The following GTF2IRD1 variants were observed in gnomAD, a reference collection of about 807,000 sequenced individuals.
GTF2IRD1 encodes the protein general transcription factor II-I repeat domain-containing protein 1.
Under a neutral mutation model 113.2 loss-of-function variants are expected in GTF2IRD1, and 26 were observed. The ratio of observed to expected loss-of-function variants is 0.23; its 90% CI spans 0.17 to 0.32. GTF2IRD1 has a LOEUF of 0.32. Among genes scored for constraint, GTF2IRD1 ranks in the 10% least tolerant of loss-of-function variants. The pLI is 1.00. For synonymous variants in GTF2IRD1, 484 were observed against 529.1 expected (o/e 0.91, Z 1.17); for missense variants, 864 against 1,280.8 (o/e 0.67, Z 4.97).
At chr7:74,546,991 G>T in intron 16 of GTF2IRD1, 112 bp from the exon 17 acceptor site, 1 of 906,904 alleles carries the variant, frequency 1.1e-6, no homozygotes, top group Non-Finnish European at 1.7e-6. Flanking sequence ...AAGCTGGCAG[G>T]CCCTCAAAAG....
chr7:74,509,535 A>G (rs1796500366), intron 2 of GTF2IRD1, among the ~76,000 whole-genome samples: 1 of 152,078 alleles, frequency 6.6e-6, no homozygotes, highest in African/African-American at 2.4e-5. Context: ...CTCTCAATTA[A>G]AAAAATTTTT....
chr7:74,547,630 G>T (rs1466076102), intron 17 of GTF2IRD1, among the ~76,000 whole-genome samples: 1 of 151,728 alleles, frequency 6.6e-6, no homozygotes, highest in Admixed American at 6.6e-5. Flanking sequence ...GTGGAGACAG[G>T]GTTTCACCAT....
chr7:74,573,025 G>A (rs973512603), intron 22 of GTF2IRD1, among the ~76,000 whole-genome samples: 8 of 152,062 alleles, frequency 5.3e-5, no homozygotes, highest in African/African-American at 1.7e-4. Context: ...GGCTGGTGGG[G>A]ACTTAGCTGG....
At chr7:74,557,756 C>A in intron 20 of GTF2IRD1, 34 bp downstream of exon 20, 1 of 1,346,910 alleles carries the variant, frequency 7.4e-7, no homozygotes, top group Non-Finnish European at 1.1e-6. Context: ...GAGGGACACG[C>A]AGCTGCTGTG....
At chr7:74,561,687 C>T (rs1187533756) in intron 22 of GTF2IRD1, among the ~76,000 whole-genome samples, 2 of 151,908 alleles carry the variant, frequency 1.3e-5, no homozygotes, top group Non-Finnish European at 2.9e-5. Context: ...AGTGGACACC[C>T]GGCTGAGAGG....
intron 22 of GTF2IRD1, among the ~76,000 whole-genome samples, chr7:74,560,593 GAGAC>G (rs1799895185): frequency 6.7e-6 from 1 of 149,514 alleles, no homozygotes; most frequent in South Asian, 2.1e-4. Flanking sequence ...GAGAGAGAGA[GAGAC>G]AGAGACAGAC....
At chr7:74,524,694 T>TA (rs1554346845) in intron 8 of GTF2IRD1, among the ~76,000 whole-genome samples, 1 of 152,164 alleles carries the variant, frequency 6.6e-6, no homozygotes, top group Non-Finnish European at 1.5e-5. Flanking sequence ...GCCAGAACCC[T>TA]GTCTCTACTA....
chr7:74,600,762 G>A (rs1443848267), intron 25 of GTF2IRD1, among the ~76,000 whole-genome samples: 1 of 152,126 alleles, frequency 6.6e-6, no homozygotes, highest in African/African-American at 2.4e-5. Flanking sequence ...GCTTGCTGGG[G>A]AGGAGGAGGG....
At chr7:74,577,533 T>C (rs1554364914) in intron 22 of GTF2IRD1, among the ~76,000 whole-genome samples, 1 of 152,238 alleles carries the variant, frequency 6.6e-6, no homozygotes, top group Non-Finnish European at 1.5e-5. Flanking sequence ...AGCATCATCG[T>C]ACTTATACAA....
intron 11 of GTF2IRD1, among the ~76,000 whole-genome samples, chr7:74,537,864 A>G (rs1554350574): frequency 1.3e-5 from 2 of 152,210 alleles, no homozygotes; most frequent in Non-Finnish European, 2.9e-5. Flanking sequence ...GATGGTGAAG[A>G]AGGGGGATCC....
rs782312923 is a variant in GTF2IRD1, at chr7:74,558,895, C to T, written c.2142C>T (p.Val714=). The T allele has an allele frequency of 1.2e-6, 2 of 1,613,672 alleles. No individual in the cohort carries two copies. The highest frequency in any genetic ancestry group is 1.7e-6 in the Non-Finnish European group (2 of 1,179,870). ...TGGGCATCAAGTACCCGGTCCAGGT[C>T]CCCTACAAGCGGATCAAGAGTAACC... The part of the protein sequence containing the change: ...EALGIKYPVQ[V]PYKRIKSNPG... Residue 714 remains valine, a synonymous_variant, in exon 21 of 27, where the codon GTC becomes GTT. Transcript: ENST00000424337.
chr7:74,548,155 C>T (rs1205668073), intron 17 of GTF2IRD1, among the ~76,000 whole-genome samples: 3 of 152,120 alleles, frequency 2.0e-5, no homozygotes, highest in Non-Finnish European at 4.4e-5. Context: ...CGGTGGCTCA[C>T]GCCTGTAATC....
intron 1 of GTF2IRD1, among the ~76,000 whole-genome samples, chr7:74,477,468 T>G (rs1794493364): frequency 7.2e-6 from 1 of 138,124 alleles, no homozygotes. Context: ...TGCTTTGGAG[T>G]AGGTCAGGGC....
chr7:74,554,061 A>G (rs1422606327), intron 17 of GTF2IRD1, among the ~76,000 whole-genome samples: 1 of 151,970 alleles, frequency 6.6e-6, no homozygotes. Context: ...CCTCCCTGAG[A>G]GTTTGGCCTT....
intron 1 of GTF2IRD1, among the ~76,000 whole-genome samples, chr7:74,479,752 C>CTTTTT (rs1219454712): frequency 4.9e-5 from 6 of 122,164 alleles, no homozygotes; most frequent in African/African-American, 1.3e-4. Flanking sequence ...GTACATGAAT[C>CTTTTT]TTTTTTTTTT....
chr7:74,511,763 G>A (rs1301780647), intron 2 of GTF2IRD1, among the ~76,000 whole-genome samples: 3 of 152,148 alleles, frequency 2.0e-5, no homozygotes, highest in African/African-American at 7.2e-5. Context: ...TGACTCAGAT[G>A]AAAACCAGCA....
chr7:74,521,648 G>C lies in GTF2IRD1; in HGVS notation c.1006+351G>C, dbSNP rs1173045771. ...GTGGTGGTGCCTACCCGTAGTCCCA[G>C]CTACTTGGGAGACTGTGGTGGGAGG... On this transcript the variant is annotated intron_variant, in intron 7 of 26. Transcript: ENST00000424337. 2.0e-5 allele frequency among the ~76,000 whole-genome samples: 3 copies of C among 152,108 alleles called. No individual in the cohort carries two copies. The East Asian group carries it at 5.8e-4, about 29-fold the overall frequency.
At chr7:74,531,867 C>A (rs1036281667) in intron 9 of GTF2IRD1, among the ~76,000 whole-genome samples, 1 of 152,252 alleles carries the variant, frequency 6.6e-6, no homozygotes, top group South Asian at 2.1e-4. Flanking sequence ...CTGCCCCCCA[C>A]CTCTGCCCCA....
rs1008856765 is a variant in GTF2IRD1 at position 74,517,366 on chromosome 7, C to T, written c.422-773C>T. On this transcript the variant is annotated intron_variant, in intron 4 of 26. Coordinates refer to ENST00000424337, the MANE Select transcript of GTF2IRD1 (RefSeq NM_005685.4). ...CAATCCCCTATTTTTGCTCCCTCTCCACTTCCTCTTCTTCTTACTTTCTCT... is the reference window on the plus strand; with the variant it reads ...CAATCCCCTATTTTTGCTCCCTCTCTACTTCCTCTTCTTCTTACTTTCTCT... 5.3e-5 allele frequency among the ~76,000 whole-genome samples: 8 copies of T among 149,776 alleles called. No homozygotes were observed. In the East Asian group the frequency reaches 1.4e-3, roughly 26 times the overall value.
Sources: gnomAD v4.1 joint callset for allele counts (sites outside exome capture counted in the v4.1 genomes callset) on GRCh38, gnomAD v4.1.1 for gene constraint, MANE v1.5 for transcripts, NCBI Gene and HGNC (gene_info 2026-07-23, HGNC 2026-07-21) for gene names.